The following SMG6 variants were observed in gnomAD, a reference collection of about 807,000 sequenced individuals.
The protein encoded by SMG6 is SMG6 nonsense mediated mRNA decay factor.
SMG6 carries 66 observed loss-of-function variants against 142.2 expected under a neutral mutation model. The observed-to-expected ratio is 0.46, with a 90% CI of 0.38 to 0.57. SMG6 has a LOEUF of 0.57. Ranked by LOEUF, SMG6 falls within the 20% of genes least tolerant of loss-of-function variation. SMG6 has a pLI of 0.00. For missense variants in SMG6, 1,793 were observed against 1,832.0 expected, an observed-to-expected ratio of 0.98 and a Z score of 0.39; for synonymous variants, 779 against 702.4, an observed-to-expected ratio of 1.11 and a Z score of -1.72.
chr17:2,142,810 C>T (rs1015335686), intron 13 of SMG6, among the ~76,000 whole-genome samples: 1 of 147,634 alleles, frequency 6.8e-6, no homozygotes, highest in African/African-American at 2.5e-5. Flanking sequence ...ATTGGTTGAA[C>T]CTGGGAGGCG....
At chr17:2,266,912 C>G (rs2074433874) in intron 8 of SMG6, among the ~76,000 whole-genome samples, 1 of 152,170 alleles carries the variant, frequency 6.6e-6, no homozygotes, top group African/African-American at 2.4e-5. Context: ...TTATCAACAT[C>G]TGAAAAACCC....
intron 18 of SMG6, chr17:2,062,765 G>C (rs2067820610): frequency 6.6e-6 from 1 of 152,564 alleles, no homozygotes; most frequent in Admixed American, 6.5e-5. Context: ...GTGGGGGGCT[G>C]CAAATATCCA....
chr17:2,227,633 C>T (rs913714636), intron 10 of SMG6, among the ~76,000 whole-genome samples: 3 of 152,192 alleles, frequency 2.0e-5, no homozygotes, highest in East Asian at 3.8e-4. Flanking sequence ...ATGATGGAAA[C>T]GCTCTCTATC....
At chr17:2,293,366 T>C (rs1346762360) in intron 4 of SMG6, among the ~76,000 whole-genome samples, 1 of 152,194 alleles carries the variant, frequency 6.6e-6, no homozygotes, top group Non-Finnish European at 1.5e-5. Context: ...AATGTAAAAG[T>C]AACTACTCTA....
chr17:2,248,143 C>T (rs1220966924), intron 8 of SMG6, among the ~76,000 whole-genome samples: 2 of 152,036 alleles, frequency 1.3e-5, no homozygotes, highest in African/African-American at 2.4e-5. Context: ...TACTAACCCA[C>T]TTCATTCAAG....
rs746831606 is a variant in SMG6 at position 2,300,417 on chromosome 17, T to C, written c.336A>G (p.Pro112=). The change falls in exon 2 of 19, where the codon CCA becomes CCG. Residue 112 remains proline, a synonymous_variant. Transcript: ENST00000263073. ...AGGATTCTTGTCCCCGATTATTTTC[T>C]GGGTCTATAGGACCATTCTGCTCTT... ...NNQEQNGPID[P]ENNRGQESFP... is the part of the protein sequence containing the mutation. 2.5e-6 allele frequency: 4 copies of C among 1,614,258 alleles called. No homozygotes were observed.
chr17:2,166,369 G>T (rs762469155), intron 13 of SMG6, among the ~76,000 whole-genome samples: 1 of 149,668 alleles, frequency 6.7e-6, no homozygotes, highest in Non-Finnish European at 1.5e-5. Flanking sequence ...TAATAAAAAG[G>T]AGAATGTAGC....
intron 13 of SMG6, among the ~76,000 whole-genome samples, chr17:2,145,046 G>C (rs1456518861): frequency 6.6e-6 from 1 of 152,172 alleles, no homozygotes; most frequent in Non-Finnish European, 1.5e-5. Context: ...AAGATCTGCA[G>C]ATTTCTCGTT....
intron 13 of SMG6, among the ~76,000 whole-genome samples, chr17:2,090,902 T>C (rs534687934): frequency 6.6e-6 from 1 of 152,344 alleles, no homozygotes; most frequent in African/African-American, 2.4e-5. Context: ...ATGAAGTCTT[T>C]CTGAGATTAT....
At chr17:2,277,168 T>A (rs201477486) in intron 8 of SMG6, among the ~76,000 whole-genome samples, 2 of 57,296 alleles carry the variant, frequency 3.5e-5, no homozygotes, top group South Asian at 5.4e-4. Context: ...TTTATTTATT[T>A]TTTATTTTTT....
At chr17:2,192,594 AAATG>A (rs2072197627) in intron 10 of SMG6, among the ~76,000 whole-genome samples, 2 of 152,196 alleles carry the variant, frequency 1.3e-5, no homozygotes, top group South Asian at 2.1e-4. Context: ...CAAAGAAAGG[AAATG>A]AATGGTCAGT....
At chr17:2,158,860 CA>C (rs1156515446) in intron 13 of SMG6, among the ~76,000 whole-genome samples, 587 of 32,392 alleles carry the variant, frequency 0.018, 10 homozygotes, top group African/African-American at 0.036. Flanking sequence ...GACCCTGTTT[CA>C]AAAAAAAAAA....
chr17:2,195,300 T>C (rs1034859407), intron 10 of SMG6, among the ~76,000 whole-genome samples: 2 of 152,124 alleles, frequency 1.3e-5, no homozygotes, highest in African/African-American at 4.8e-5. Context: ...GTACACACCC[T>C]CTCCCACCTC....
chr17:2,082,092 T>G, intron 14 of SMG6, 136 bp from the exon 15 acceptor site: 1 of 830,644 alleles, frequency 1.2e-6, no homozygotes, highest in Non-Finnish European at 1.9e-6. Context: ...TCCCCTGGTG[T>G]GTGCTTCCCT....
intron 13 of SMG6, among the ~76,000 whole-genome samples, chr17:2,136,306 G>A (rs1302998840): frequency 6.6e-6 from 1 of 151,958 alleles, no homozygotes; most frequent in Non-Finnish European, 1.5e-5. Context: ...GCCTCCCAAA[G>A]TGCTGGGATT....
intron 13 of SMG6, among the ~76,000 whole-genome samples, chr17:2,167,131 CAAA>C (rs57898779): frequency 1.1e-4 from 4 of 35,714 alleles, no homozygotes; most frequent in East Asian, 1.5e-3. Flanking sequence ...GACTCCATCT[CAAA>C]AAAAAAAAAA....
At chr17:2,248,247 C>T (rs549352812) in intron 8 of SMG6, among the ~76,000 whole-genome samples, 95 of 152,168 alleles carry the variant, frequency 6.2e-4, no homozygotes, top group Non-Finnish European at 1.1e-3. Flanking sequence ...CTTCAGATTC[C>T]AAACACAGTT....
At chr17:2,216,180 C>T (rs961225411) in intron 10 of SMG6, among the ~76,000 whole-genome samples, 8 of 152,090 alleles carry the variant, frequency 5.3e-5, no homozygotes, top group Non-Finnish European at 1.2e-4. Flanking sequence ...GGTGGAAACT[C>T]AGATGGCAGG....
intron 9 of SMG6, among the ~76,000 whole-genome samples, chr17:2,240,507 T>C (rs2073773810): frequency 6.6e-6 from 1 of 151,768 alleles, no homozygotes; most frequent in African/African-American, 2.4e-5. Context: ...ATCATAGTAC[T>C]ACAGAACATA....
Sources: gnomAD v4.1 joint callset for allele counts (sites outside exome capture counted in the v4.1 genomes callset) on GRCh38, gnomAD v4.1.1 for gene constraint, MANE v1.5 for transcripts, NCBI Gene and HGNC (gene_info 2026-07-23, HGNC 2026-07-21) for gene names.